DCAF5: variants seen among roughly 807,000 people sequenced by gnomAD.
DCAF5 encodes DDB1 and CUL4 associated factor 5.
DCAF5 carries 9 observed loss-of-function variants against 80.7 expected under a neutral mutation model. That is an observed-to-expected ratio of 0.11 (90% CI 0.07 to 0.19). DCAF5 has a LOEUF of 0.19. DCAF5 is among the 10% of genes least tolerant of loss of function. The pLI is 1.00. For missense variants in DCAF5, 842 were observed against 1,205.7 expected, an observed-to-expected ratio of 0.70 and a Z score of 4.47; for synonymous variants, 433 against 461.9, an observed-to-expected ratio of 0.94 and a Z score of 0.80.
intron 6 of DCAF5, among the ~76,000 whole-genome samples, chr14:69,086,571 T>C (rs1007258260): frequency 6.7e-6 from 1 of 149,254 alleles, no homozygotes; most frequent in Non-Finnish European, 1.5e-5. Flanking sequence ...GGAGAACATA[T>C]GGCATGCCAG....
intron 5 of DCAF5, among the ~76,000 whole-genome samples, chr14:69,099,078 C>A (rs527882330): frequency 5.3e-5 from 8 of 151,988 alleles, no homozygotes; most frequent in Non-Finnish European, 1.2e-4. Context: ...TGGTGAAACC[C>A]AGTCTCTACT....
intron 1 of DCAF5, among the ~76,000 whole-genome samples, chr14:69,123,767 C>T (rs932787126): frequency 6.6e-6 from 1 of 152,102 alleles, no homozygotes; most frequent in African/African-American, 2.4e-5. Flanking sequence ...GGCGCAATCT[C>T]GGCTCACTGC....
chr14:69,143,634 C>T (rs140303855), intron 1 of DCAF5, among the ~76,000 whole-genome samples: 85 of 136,714 alleles, frequency 6.2e-4, no homozygotes, highest in Non-Finnish European at 1.1e-3. Flanking sequence ...ATTTGGTAGG[C>T]GCCGGGGAGT....
At chr14:69,130,897 C>G (rs1595050399) in intron 1 of DCAF5, among the ~76,000 whole-genome samples, 1 of 152,286 alleles carries the variant, frequency 6.6e-6, no homozygotes, top group East Asian at 1.9e-4. Flanking sequence ...GTCCTGGTTA[C>G]TCTACTCCTC....
At chr14:69,104,872 G>T (rs1323359159) in intron 5 of DCAF5, among the ~76,000 whole-genome samples, 1 of 150,846 alleles carries the variant, frequency 6.6e-6, no homozygotes, top group Admixed American at 6.6e-5. Context: ...AAAAAAAAAA[G>T]TGAGAGACAG....
intron 7 of DCAF5, among the ~76,000 whole-genome samples, chr14:69,073,275 C>T (rs960027613): frequency 6.6e-6 from 1 of 152,070 alleles, no homozygotes; most frequent in African/African-American, 2.4e-5. Context: ...GGAAGGGACA[C>T]TAGGGATGCA....
At chr14:69,104,628 G>C (rs2040070428) in intron 5 of DCAF5, among the ~76,000 whole-genome samples, 2 of 152,048 alleles carry the variant, frequency 1.3e-5, no homozygotes, top group Admixed American at 1.3e-4. Flanking sequence ...GGCCGAGGTG[G>C]GTGGATCACT....
In DCAF5 at chr14:69,075,403, A is replaced by G; in HGVS notation, c.888T>C (p.Leu296=). 6.3e-7 allele frequency: 1 copy of G among 1,596,722 alleles called. No individual in the cohort carries two copies. The highest frequency in any genetic ancestry group is 8.6e-7 in the Non-Finnish European group (1 of 1,168,594). ...CFAGDRDQYI[L]SGSDDFNLYM... Reference sequence around the variant, plus strand: ...ACAGGTTGAAGTCATCAGAGCCCGAAAGGATATACTGTTGGAACAAAAAAT... The same window carrying G: ...ACAGGTTGAAGTCATCAGAGCCCGAGAGGATATACTGTTGGAACAAAAAAT... The change falls in exon 7 of 9, where the codon CTT becomes CTC. Residue 296 remains leucine (L), a synonymous_variant. Transcript: ENST00000341516.
At position 69,055,745 on chromosome 14, in the gene DCAF5, T is replaced by A; in HGVS notation, c.1075-134A>T. 2.2e-6 allele frequency: 2 copies of A among 897,530 alleles called. No individual in the cohort carries two copies. The highest frequency in any genetic ancestry group is 3.4e-6 in the Non-Finnish European group (2 of 596,880). The allele number at this position is 897,530 out of a possible 1,614,324, so 55.6% of individuals were successfully genotyped here. ...TTTAACTAGGACTTGCTAACCAACT[T>A]AAAAATAAGTTCTTTACCAGACTGG... On this transcript the variant is annotated intron_variant, in intron 8 of 8. Transcript: ENST00000341516. This position sits in a 1 kb window ranked among gnomAD's most constrained non-coding sequence, Gnocchi z 5.6.
chr14:69,112,890 G>C (rs2040420126), intron 5 of DCAF5, among the ~76,000 whole-genome samples: 1 of 152,136 alleles, frequency 6.6e-6, no homozygotes, highest in Non-Finnish European at 1.5e-5. Flanking sequence ...TATGGCTTCA[G>C]AGCCTATACT....
chr14:69,139,826 C>CA (rs553940292), intron 1 of DCAF5, among the ~76,000 whole-genome samples: 884 of 55,104 alleles, frequency 0.016, 10 homozygotes, highest in South Asian at 0.078. Context: ...GACCCTGTCT[C>CA]AAAAAAAAAA....
chr14:69,065,096 CTTTTTTT>C, intron 7 of DCAF5, among the ~76,000 whole-genome samples: 1 of 120,316 alleles, frequency 8.3e-6, no homozygotes, highest in Non-Finnish European at 1.6e-5. Context: ...AATATGACCT[CTTTTTTT>C]TTTTTTTTTT....
chr14:69,123,897 AC>A (rs1012763210), intron 1 of DCAF5, among the ~76,000 whole-genome samples: 2 of 152,178 alleles, frequency 1.3e-5, no homozygotes, highest in Admixed American at 6.5e-5. Flanking sequence ...AAGGGGTTTC[AC>A]TATGTTGGCC....
rs967721652 is a variant in DCAF5 at position 69,152,603 on chromosome 14, C to A, written c.214+162G>T. On this transcript the variant is annotated intron_variant, in intron 1 of 8. Transcript: ENST00000341516. The surrounding 1 kb of genome is among the most constrained non-coding windows in gnomAD (Gnocchi z 4.1). ...AAGACATCCTCTCCTTCCCCTCCCC[C>A]TGCAATGGTTTTAATTTGACACCAA... The A allele has an allele frequency of 1.6e-6, 1 of 608,506 alleles. No individual in the cohort carries two copies. The highest frequency in any genetic ancestry group is 2.9e-6 in the Non-Finnish European group (1 of 346,028). 37.7% of individuals were successfully genotyped at this position (608,506 alleles called of 1,614,324 possible).
chr14:69,141,139 T>TAAAAAA lies in DCAF5; in HGVS notation c.214+11620_214+11625dup, dbSNP rs11396838. ...ACAGAGCGAGACTCCATCTCAAATTTAAAAAAAAAAAAAAAAAAAAAAAAA... is the reference window on the plus strand; with the variant it reads ...ACAGAGCGAGACTCCATCTCAAATTTAAAAAAAAAAAAAAAAAAAAAAAAAAAAAAA... On this transcript the variant is annotated intron_variant, in intron 1 of 8. Coordinates refer to ENST00000341516, the MANE Select transcript of DCAF5 (RefSeq NM_003861.3). Among the ~76,000 whole-genome samples, 210 of 59,406 alleles carry TAAAAAA rather than the reference T, an allele frequency of 3.5e-3. 4 individuals are homozygous for TAAAAAA. Among genetic ancestry groups the TAAAAAA allele is most frequent in the African/African-American group, 0.01 (187 of 18,494 alleles). The allele number at this position is 59,406 out of a possible 152,430, so 39.0% of individuals were successfully genotyped here.
At chr14:69,116,563 G>T (rs750083634) in intron 4 of DCAF5, 68 bp from the exon 5 acceptor site, 9 of 1,576,900 alleles carry the variant, frequency 5.7e-6, no homozygotes, top group Non-Finnish European at 6.9e-6. Context: ...CAGATAATCA[G>T]GAATGTGAAT....
intron 7 of DCAF5, among the ~76,000 whole-genome samples, chr14:69,074,836 C>T (rs1280312957): frequency 6.6e-6 from 1 of 152,054 alleles, no homozygotes; most frequent in African/African-American, 2.4e-5. Context: ...GAATTTGAGA[C>T]CAGGCTGGCC....
intron 7 of DCAF5, among the ~76,000 whole-genome samples, chr14:69,064,382 A>T: frequency 6.6e-6 from 1 of 152,164 alleles, no homozygotes; most frequent in Non-Finnish European, 1.5e-5. Context: ...CTTTGATTTA[A>T]ATCTAGTAAC....
intron 6 of DCAF5, among the ~76,000 whole-genome samples, chr14:69,088,675 A>ATC (rs2039428263): frequency 6.6e-6 from 1 of 152,226 alleles, no homozygotes; most frequent in Admixed American, 6.5e-5. Flanking sequence ...GGAAATTCTC[A>ATC]GATTCCTGTC....
Sources: allele counts gnomAD v4.1 joint callset (sites outside exome capture counted in the v4.1 genomes callset), GRCh38; gene constraint gnomAD v4.1.1; non-coding constraint Gnocchi (gnomAD v3.1); transcripts MANE v1.5; gene names NCBI Gene and HGNC (gene_info 2026-07-23, HGNC 2026-07-21).